The following KCNAB2 variants were observed in gnomAD, a reference collection of about 807,000 sequenced individuals.
KCNAB2 encodes the protein voltage-gated potassium channel subunit beta-2.
In KCNAB2, 29 loss-of-function variants were observed where a neutral mutation model predicts 63.6. That is an observed-to-expected ratio of 0.46 (90% CI 0.34 to 0.62). KCNAB2 has a LOEUF of 0.62. Ranked by LOEUF, KCNAB2 falls within the 20% of genes least tolerant of loss-of-function variation. The pLI is 0.01. For missense variants in KCNAB2, 359 were observed against 563.9 expected, an observed-to-expected ratio of 0.64 and a Z score of 3.68; for synonymous variants, 222 against 224.2, an observed-to-expected ratio of 0.99 and a Z score of 0.09.
chr1:6,028,903 T>C lies in KCNAB2; in HGVS notation c.-52-11614T>C, dbSNP rs1357604592. Among the ~76,000 whole-genome samples, 1 of 152,206 alleles carries C rather than the reference T, an allele frequency of 6.6e-6. No individual in the cohort carries two copies. The highest frequency in any genetic ancestry group is 6.5e-5 in the Admixed American group (1 of 15,282). Reference sequence around the variant, plus strand: ...TCTGCAAACCAGCCTTCTGGAACCTTTGAGCTTCCAGGATGATTCGGAATT... The same window carrying C: ...TCTGCAAACCAGCCTTCTGGAACCTCTGAGCTTCCAGGATGATTCGGAATT... On this transcript the variant is annotated intron_variant, in intron 1 of 16. Transcript: ENST00000341524. This position sits in a 1 kb window ranked among gnomAD's most constrained non-coding sequence, Gnocchi z 4.0.
chr1:6,063,568 G>A (rs7549975), intron 2 of KCNAB2, among the ~76,000 whole-genome samples: 1 of 151,680 alleles, frequency 6.6e-6, no homozygotes, highest in Admixed American at 6.6e-5. Flanking sequence ...TGCCACCACA[G>A]CCAGCTAATT....
chr1:6,076,928 G>A (rs1663717226), intron 4 of KCNAB2, among the ~76,000 whole-genome samples: 3 of 152,186 alleles, frequency 2.0e-5, no homozygotes, highest in South Asian at 4.1e-4. Flanking sequence ...GCTCATGCCC[G>A]TAATCCCAGC....
chr1:6,095,863 AT>A (rs1355156610), intron 13 of KCNAB2, among the ~76,000 whole-genome samples: 5 of 54,650 alleles, frequency 9.1e-5, no homozygotes, highest in East Asian at 5.8e-4. Flanking sequence ...GCCCTTTCAC[AT>A]CCCCCCCCCT....
chr1:6,084,719 G>A (rs1285051499), intron 5 of KCNAB2, among the ~76,000 whole-genome samples: 5 of 151,372 alleles, frequency 3.3e-5, no homozygotes, highest in Non-Finnish European at 4.4e-5. Flanking sequence ...GGGAGGCTGA[G>A]GCAGGAGAAC....
At position 6,035,454 on chromosome 1, in the gene KCNAB2, G is replaced by A. The variant is rs995613941; in HGVS notation, c.-53+660G>A. 6.6e-6 allele frequency among the ~76,000 whole-genome samples: 1 copy of A among 152,172 alleles called. No homozygotes were observed. Among genetic ancestry groups the A allele is most frequent in the African/African-American group, 2.4e-5 (1 of 41,436 alleles). ...TGCTGTGAGGAGCAGCATGAGAGCC[G>A]GTGGCAGCTGGGCAGGAGAGGAGAC... On this transcript the variant is annotated intron_variant, in intron 1 of 15. Transcript: ENST00000164247. This position sits in a 1 kb window ranked among gnomAD's most constrained non-coding sequence, Gnocchi z 5.0.
At chr1:6,042,700 C>T (rs934971710), upstream of KCNAB2, among the ~76,000 whole-genome samples, 8 of 152,304 alleles carry the variant, frequency 5.3e-5, no homozygotes, top group South Asian at 4.1e-4. Context: ...TGCATCTTGG[C>T]GGTCAGGCCG....
chr1:6,044,827 G>C (rs778444515), upstream of KCNAB2, among the ~76,000 whole-genome samples: 6 of 152,160 alleles, frequency 3.9e-5, no homozygotes, highest in South Asian at 4.1e-4. Flanking sequence ...GGGGTGCAGG[G>C]CCTGAAAAAA....
intron 5 of KCNAB2, 46 bp from the exon 6 acceptor site, chr1:6,085,158 A>G: frequency 6.2e-7 from 1 of 1,610,274 alleles, no homozygotes; most frequent in South Asian, 1.1e-5. Context: ...TCTGGGTTTG[A>G]TTTTTCTGTT....
At chr1:6,013,171 A>G (rs1658292752) in intron 1 of KCNAB2, among the ~76,000 whole-genome samples, 1 of 152,132 alleles carries the variant, frequency 6.6e-6, no homozygotes, top group Non-Finnish European at 1.5e-5. Context: ...GCGTTCATCA[A>G]AAGCGTGCTG....
chr1:6,088,280 G>A (rs1337268127), intron 7 of KCNAB2, among the ~76,000 whole-genome samples: 1 of 150,350 alleles, frequency 6.7e-6, no homozygotes, highest in Non-Finnish European at 1.5e-5. Flanking sequence ...CACCCAGGCT[G>A]GAGTACAGTG....
intron 2 of KCNAB2, among the ~76,000 whole-genome samples, chr1:6,058,882 G>T (rs537564621): frequency 6.3e-4 from 96 of 152,222 alleles, no homozygotes; most frequent in Non-Finnish European, 1.0e-3. Context: ...GCTGTGTGGG[G>T]CTTGGGTCGG....
In KCNAB2 at chr1:6,072,810, G is replaced by A; in HGVS notation, c.262+12G>A. On this transcript the variant is annotated intron_variant, in intron 3 of 15. Coordinates refer to ENST00000378083, the MANE Select transcript of KCNAB2 (RefSeq NM_001199862.2). ...CTGCCTGGGACTTGGTGAGTGTGGG[G>A]GTCCCCTCCGTCCCACCAGGGAAAC... 6.2e-7 allele frequency: 1 copy of A among 1,613,378 alleles called. No individual in the cohort carries two copies. The highest frequency in any genetic ancestry group is 1.1e-5 in the South Asian group (1 of 91,000).
intron 10 of KCNAB2, 34 bp from the exon 11 acceptor site, chr1:6,094,366 C>A (rs1334519131): frequency 7.0e-6 from 11 of 1,565,858 alleles, no homozygotes; most frequent in Non-Finnish European, 9.6e-6. Context: ...CCCTGGCTGC[C>A]CCCCACCTGC....
At chr1:6,011,808 G>T (rs1360789992) in intron 1 of KCNAB2, among the ~76,000 whole-genome samples, 2 of 152,224 alleles carry the variant, frequency 1.3e-5, no homozygotes, top group South Asian at 2.1e-4. Flanking sequence ...AGGGCAGGGG[G>T]GTGGGCTGAA....
At chr1:6,049,185 A>G (rs1005110390) in intron 1 of KCNAB2, among the ~76,000 whole-genome samples, 9 of 152,252 alleles carry the variant, frequency 5.9e-5, no homozygotes, top group African/African-American at 2.2e-4. Flanking sequence ...TGGCACTGCC[A>G]GGAAATGCCC....
chr1:6,082,651 G>C (rs1664307796), intron 5 of KCNAB2, among the ~76,000 whole-genome samples: 1 of 152,168 alleles, frequency 6.6e-6, no homozygotes, highest in South Asian at 2.1e-4. Context: ...GCTGGGGAGG[G>C]CAGGCTCCGG....
intron 1 of KCNAB2, among the ~76,000 whole-genome samples, chr1:6,011,241 C>G (rs1658125673): frequency 6.6e-6 from 1 of 151,920 alleles, no homozygotes; most frequent in South Asian, 2.1e-4. Context: ...TGCCCAGGGC[C>G]AAGTGTGCAG....
chr1:6,030,726 TTATG>T (rs1353037651), upstream of KCNAB2, among the ~76,000 whole-genome samples: 1 of 149,026 alleles, frequency 6.7e-6, no homozygotes, highest in Admixed American at 6.7e-5. Flanking sequence ...ATGTGTATGT[TTATG>T]TGTGTTTATG....
At chr1:6,000,876 C>T (rs1657216477) in intron 1 of KCNAB2, among the ~76,000 whole-genome samples, 1 of 152,162 alleles carries the variant, frequency 6.6e-6, no homozygotes, top group Non-Finnish European at 1.5e-5. Context: ...TCGCTGCCCT[C>T]AGGGCCAACA....
Sources: gnomAD v4.1 joint callset for allele counts (sites outside exome capture counted in the v4.1 genomes callset) on GRCh38, gnomAD v4.1.1 for gene constraint, Gnocchi (gnomAD v3.1) non-coding constraint, MANE v1.5 for transcripts, NCBI Gene and HGNC (gene_info 2026-07-23, HGNC 2026-07-21) for gene names.